The following APBB2 variants were observed in gnomAD, a reference collection of about 807,000 sequenced individuals.
The protein encoded by APBB2 is Fe65-like 1.
In APBB2, 38 loss-of-function variants were observed where a neutral mutation model predicts 82.5. That is an observed-to-expected ratio of 0.46 (90% CI 0.36 to 0.60). The LOEUF is 0.60. Ranked by LOEUF, APBB2 falls within the 20% of genes least tolerant of loss-of-function variation. APBB2 has a pLI of 0.00. For synonymous variants in APBB2, 341 were observed against 368.2 expected, an observed-to-expected ratio of 0.93 and a Z score of 0.85; for missense variants, 772 against 972.3, an observed-to-expected ratio of 0.79 and a Z score of 2.74.
At chr4:41,103,653 T>C (rs185126413) in intron 2 of APBB2, among the ~76,000 whole-genome samples, 34 of 152,270 alleles carry the variant, frequency 2.2e-4, no homozygotes, top group Non-Finnish European at 3.5e-4. Context: ...AAAGCCAACA[T>C]TTGAAAAACT....
chr4:40,928,305 G>A (rs1017117438), intron 10 of APBB2, among the ~76,000 whole-genome samples: 1 of 152,088 alleles, frequency 6.6e-6, no homozygotes, highest in African/African-American at 2.4e-5. Context: ...CACTTTGGGA[G>A]GCCGAGGCAG....
chr4:40,907,194 C>T (rs148431283), intron 10 of APBB2, among the ~76,000 whole-genome samples: 37 of 151,552 alleles, frequency 2.4e-4, no homozygotes, highest in African/African-American at 8.2e-4. Flanking sequence ...GAATCGTGTC[C>T]CCTCCCCAAT....
chr4:40,881,252 G>C, intron 12 of APBB2: 2 of 984,484 alleles, frequency 2.0e-6, no homozygotes, highest in Non-Finnish European at 2.4e-6. Flanking sequence ...CCTTCCTGAA[G>C]ACTTTTCTCC....
At chr4:40,856,413 T>G (rs1578003166) in intron 12 of APBB2, among the ~76,000 whole-genome samples, 4 of 152,260 alleles carry the variant, frequency 2.6e-5, no homozygotes, top group Admixed American at 2.6e-4. Context: ...TCTTTCTCAA[T>G]GCCAAGAGCT....
At chr4:41,171,567 G>A (rs1285709950) in intron 1 of APBB2, among the ~76,000 whole-genome samples, 1 of 152,242 alleles carries the variant, frequency 6.6e-6, no homozygotes, top group African/African-American at 2.4e-5. Context: ...TTCGAGCTGA[G>A]TAACCATTTC....
At chr4:40,994,155 C>T (rs1414719423) in intron 6 of APBB2, among the ~76,000 whole-genome samples, 6 of 151,964 alleles carry the variant, frequency 3.9e-5, no homozygotes, top group African/African-American at 1.5e-4. Flanking sequence ...GGCACGGTAG[C>T]GGGCGCCTGT....
chr4:41,010,607 C>T (rs767620135), intron 6 of APBB2, among the ~76,000 whole-genome samples: 7 of 152,154 alleles, frequency 4.6e-5, no homozygotes, highest in Non-Finnish European at 1.0e-4. Context: ...CAGGCCCCTA[C>T]TGACACCAGC....
intron 2 of APBB2, chr4:41,137,911 T>C (rs565476075): frequency 6.6e-6 from 1 of 151,140 alleles, no homozygotes; most frequent in East Asian, 2.0e-4. Flanking sequence ...GCAACAAAAG[T>C]TTTAGAAAGA....
chr4:41,122,798 C>T (rs965392542), intron 2 of APBB2, among the ~76,000 whole-genome samples: 1 of 152,156 alleles, frequency 6.6e-6, no homozygotes, highest in Non-Finnish European at 1.5e-5. Context: ...AAAGCCTTTT[C>T]GTCTCTCCCA....
chr4:40,932,646 G>A (rs1399911103), intron 10 of APBB2, among the ~76,000 whole-genome samples: 1 of 152,166 alleles, frequency 6.6e-6, no homozygotes, highest in Non-Finnish European at 1.5e-5. Flanking sequence ...GCACAGGAGG[G>A]TGAAGGGGAG....
chr4:41,183,914 G>A (rs938282210), intron 1 of APBB2, among the ~76,000 whole-genome samples: 2 of 151,934 alleles, frequency 1.3e-5, no homozygotes, highest in African/African-American at 4.8e-5. Context: ...TTATTTCATT[G>A]TAATTTATAA....
intron 3 of APBB2, among the ~76,000 whole-genome samples, chr4:41,073,283 A>G (rs566507717): frequency 1.3e-5 from 2 of 152,306 alleles, no homozygotes; most frequent in South Asian, 4.1e-4. Context: ...ATTCCCCATT[A>G]TGATTTTCCC....
intron 1 of APBB2, among the ~76,000 whole-genome samples, chr4:41,196,038 A>G: frequency 1.3e-5 from 2 of 151,596 alleles, no homozygotes; most frequent in Admixed American, 1.3e-4. Flanking sequence ...CGGCGCCTGT[A>G]GTCCCAGCTA....
At chr4:40,858,929 T>C (rs1317773224) in intron 12 of APBB2, among the ~76,000 whole-genome samples, 1 of 152,150 alleles carries the variant, frequency 6.6e-6, no homozygotes. Context: ...AGAAGAGGGT[T>C]TAAGACTTGG....
Position 40,826,846 on chromosome 4 carries a change from G to A in APBB2, c.1732+286C>T, listed in dbSNP as rs1750120360. 4 of 313,382 alleles carry A rather than the reference G, an allele frequency of 1.3e-5. No individual in the cohort carries two copies. The South Asian group carries it at 1.8e-4, about 14-fold the overall frequency. 19.4% of individuals were successfully genotyped at this position (313,382 alleles called of 1,614,324 possible). On this transcript the variant is annotated intron_variant, in intron 14 of 17. Transcript: ENST00000508593. The surrounding 1 kb of genome is among the most constrained non-coding windows in gnomAD (Gnocchi z 4.5). Reference sequence around the variant, plus strand: ...ATAATATGAAGACAGTATTCTTAAAGAACATAAAATACAAAACAAAATGAA... The same window carrying A: ...ATAATATGAAGACAGTATTCTTAAAAAACATAAAATACAAAACAAAATGAA...
intron 6 of APBB2, among the ~76,000 whole-genome samples, chr4:40,950,130 C>A (rs1437722047): frequency 6.6e-6 from 1 of 152,146 alleles, no homozygotes; most frequent in Non-Finnish European, 1.5e-5. Context: ...AGTCACAACA[C>A]AATAGATTTC....
chr4:41,202,600 GCAAA>G (rs1776964651), intron 1 of APBB2, among the ~76,000 whole-genome samples: 2 of 151,886 alleles, frequency 1.3e-5, no homozygotes, highest in African/African-American at 4.8e-5. Flanking sequence ...TTGGCTTTAT[GCAAA>G]CAAATTTTTT....
chr4:40,831,854 C>T (rs539824690), intron 12 of APBB2, among the ~76,000 whole-genome samples: 1 of 152,054 alleles, frequency 6.6e-6, no homozygotes, highest in Non-Finnish European at 1.5e-5. Flanking sequence ...GTTGGGTGTT[C>T]GCATTTTTTC....
chr4:40,852,351 CAAAAAAAAAA>C (rs771660810), intron 12 of APBB2, among the ~76,000 whole-genome samples: 34 of 94,008 alleles, frequency 3.6e-4, no homozygotes, highest in Admixed American at 2.8e-3. Context: ...ACTCTGTCTT[CAAAAAAAAAA>C]AAAAAAAAAA....
Sources: gnomAD v4.1 joint callset for allele counts (sites outside exome capture counted in the v4.1 genomes callset) on GRCh38, gnomAD v4.1.1 for gene constraint, Gnocchi (gnomAD v3.1) non-coding constraint, MANE v1.5 for transcripts, NCBI Gene and HGNC (gene_info 2026-07-23, HGNC 2026-07-21) for gene names.